GNB1L: variants seen among roughly 807,000 people sequenced by gnomAD.
GNB1L encodes the protein guanine nucleotide-binding protein subunit beta-like protein 1.
In GNB1L, 20 loss-of-function variants were observed where a neutral mutation model predicts 29.1. That is an observed-to-expected ratio of 0.69 (90% CI 0.48 to 1.00). GNB1L has a LOEUF of 1.00. Among genes scored for constraint, GNB1L ranks in the 50% least tolerant of loss-of-function variants. The probability of loss-of-function intolerance (pLI) is 0.00; values close to 1 mark genes in which losing one functional copy is unlikely to be tolerated. For synonymous variants in GNB1L, 193 were observed against 206.5 expected (o/e 0.93, Z 0.56); for missense variants, 421 against 464.9 (o/e 0.91, Z 0.87).
chr22:19,818,579 G>A (rs79907321), intron 4 of GNB1L, among the ~76,000 whole-genome samples: 5 of 152,348 alleles, frequency 3.3e-5, no homozygotes, highest in East Asian at 1.9e-4. Flanking sequence ...TAGGCACCGC[G>A]TGAGTCTAGC....
At chr22:19,789,106 T>C in intron 7 of GNB1L, 146 bp from the exon 8 acceptor site, 1 of 838,568 alleles carries the variant, frequency 1.2e-6, no homozygotes, top group Admixed American at 2.7e-5. Context: ...CCAGCTGACC[T>C]CCCACTCTTC....
intron 7 of GNB1L, chr22:19,792,730 T>C (rs1310883843): frequency 2.0e-6 from 3 of 1,508,758 alleles, no homozygotes; most frequent in Non-Finnish European, 2.7e-6. Context: ...GTCACCACCT[T>C]GGTGGAGAAC....
At chr22:19,848,609 C>T (rs1938021104) in intron 2 of GNB1L, 1 of 985,338 alleles carries the variant, frequency 1.0e-6, no homozygotes, top group Admixed American at 6.1e-5. Context: ...AGAGCCCAAC[C>T]ACAATAAACA....
At chr22:19,841,201 G>A (rs1246989915) in intron 2 of GNB1L, among the ~76,000 whole-genome samples, 1 of 152,188 alleles carries the variant, frequency 6.6e-6, no homozygotes, top group African/African-American at 2.4e-5. Flanking sequence ...AGGAAAAAGG[G>A]CTCAGAAATG....
chr22:19,846,826 C>T, intron 2 of GNB1L: 2 of 790,090 alleles, frequency 2.5e-6, no homozygotes, highest in Non-Finnish European at 3.1e-6. Flanking sequence ...ACACCTTGAT[C>T]TCAGGCTTCT....
intron 2 of GNB1L, chr22:19,847,511 T>TG (rs1159594351): frequency 1.0e-6 from 1 of 985,280 alleles, no homozygotes; most frequent in Non-Finnish European, 1.2e-6. Context: ...GGAAAAACTC[T>TG]GGTCACAGCT....
chr22:19,805,034 C>T (rs1320631713), intron 6 of GNB1L, among the ~76,000 whole-genome samples: 3 of 152,186 alleles, frequency 2.0e-5, no homozygotes, highest in Non-Finnish European at 2.9e-5. Flanking sequence ...TGTGTGGGCA[C>T]ATGGAGCCCA....
chr22:19,830,989 C>G (rs1464055074), intron 2 of GNB1L, among the ~76,000 whole-genome samples: 1 of 152,132 alleles, frequency 6.6e-6, no homozygotes, highest in Non-Finnish European at 1.5e-5. Flanking sequence ...AGCATAAACT[C>G]CAAGTGGATC....
chr22:19,807,374 AG>A (rs1937448951), intron 5 of GNB1L, among the ~76,000 whole-genome samples: 1 of 152,080 alleles, frequency 6.6e-6, no homozygotes, highest in African/African-American at 2.4e-5. Flanking sequence ...GGGATGGCCG[AG>A]GCCACAAGCA....
At chr22:19,798,777 G>T (rs1937335501) in intron 7 of GNB1L, among the ~76,000 whole-genome samples, 1 of 152,204 alleles carries the variant, frequency 6.6e-6, no homozygotes, top group South Asian at 2.1e-4. Context: ...CGCAGGAAAT[G>T]AGGATGATGC....
intron 2 of GNB1L, among the ~76,000 whole-genome samples, chr22:19,831,309 G>A (rs1234325028): frequency 6.6e-6 from 1 of 151,466 alleles, no homozygotes; most frequent in Non-Finnish European, 1.5e-5. Context: ...AAGTTGCAGT[G>A]GGCCCAGATC....
intron 7 of GNB1L, among the ~76,000 whole-genome samples, chr22:19,800,039 C>T (rs1259583721): frequency 6.6e-6 from 1 of 152,230 alleles, no homozygotes; most frequent in East Asian, 1.9e-4. Flanking sequence ...CACCATGGGC[C>T]GATGCCCTGC....
chr22:19,795,697 G>A, intron 7 of GNB1L, among the ~76,000 whole-genome samples: 1 of 152,238 alleles, frequency 6.6e-6, no homozygotes. Flanking sequence ...GAATTAAAAT[G>A]AAGACACAGT....
intron 7 of GNB1L, among the ~76,000 whole-genome samples, chr22:19,800,255 A>C (rs1262430978): frequency 6.6e-6 from 1 of 152,220 alleles, no homozygotes; most frequent in East Asian, 1.9e-4. Context: ...AGGAGAGACG[A>C]GGCAGATCTG....
At chr22:19,834,927 A>G (rs974209930) in intron 2 of GNB1L, among the ~76,000 whole-genome samples, 10 of 152,342 alleles carry the variant, frequency 6.6e-5, no homozygotes, top group African/African-American at 1.9e-4. Context: ...AAAAATAAAA[A>G]GGTGAAAAAG....
intron 7 of GNB1L, 92 bp from the exon 8 acceptor site, chr22:19,789,052 A>ACGCAGGCC (rs1422426043): frequency 3.1e-5 from 43 of 1,365,242 alleles, no homozygotes; most frequent in Non-Finnish European, 3.8e-5. Context: ...ACCAGGAGAG[A>ACGCAGGCC]CGCAGGCCCA....
chr22:19,837,206 T>TC (rs1937780485), intron 2 of GNB1L, among the ~76,000 whole-genome samples: 1 of 151,632 alleles, frequency 6.6e-6, no homozygotes, highest in African/African-American at 2.4e-5. Context: ...GACCTCGTGA[T>TC]CCACCCGCCT....
chr22:19,829,075 G>A (rs1468945354), intron 2 of GNB1L, among the ~76,000 whole-genome samples: 1 of 152,018 alleles, frequency 6.6e-6, no homozygotes, highest in African/African-American at 2.4e-5. Context: ...CAGGTGATCT[G>A]CCCATCTTGG....
At chr22:19,848,650 TGGACTCTCCCAA>T in intron 2 of GNB1L, 1 of 985,494 alleles carries the variant, frequency 1.0e-6, no homozygotes, top group African/African-American at 1.7e-5. Flanking sequence ...CCAGGTCACC[TGGACTCTCCCAA>T]GGACTCTCAA....
Sources: gnomAD v4.1 joint callset for allele counts (sites outside exome capture counted in the v4.1 genomes callset) on GRCh38, gnomAD v4.1.1 for gene constraint, MANE v1.5 for transcripts, NCBI Gene and HGNC (gene_info 2026-07-23, HGNC 2026-07-21) for gene names.